The following SLC24A2 variants were observed in gnomAD, a reference collection of about 807,000 sequenced individuals.
SLC24A2 encodes the protein solute carrier family 24 member 2, also known as sodium/potassium/calcium exchanger 2.
A neutral mutation model predicts 62.0 loss-of-function variants in SLC24A2; 36 were observed. That is an observed-to-expected ratio of 0.58 (90% CI 0.44 to 0.77). The LOEUF (loss-of-function observed/expected upper bound fraction) is 0.77, where lower values mean the gene tolerates loss of function less well. Ranked by LOEUF, SLC24A2 falls within the 30% of genes least tolerant of loss-of-function variation. SLC24A2 has a pLI of 0.00. For missense variants in SLC24A2, 846 were observed against 817.9 expected (o/e 1.03, Z -0.42); for synonymous variants, 358 against 294.0 (o/e 1.22, Z -2.23).
At chr9:19,775,093 A>C (rs1387839026) in intron 2 of SLC24A2, among the ~76,000 whole-genome samples, 2 of 152,154 alleles carry the variant, frequency 1.3e-5, no homozygotes, top group African/African-American at 2.4e-5. Flanking sequence ...GCTGATGCAA[A>C]ATTGTGACTG....
the SLC24A2 span, among the ~76,000 whole-genome samples, chr9:20,302,599 T>A: frequency 6.6e-6 from 1 of 152,050 alleles, no homozygotes; most frequent in South Asian, 2.1e-4. Context: ...TGGTGTTGAG[T>A]TTTTTTTATA....
chr9:19,943,587 A>T, the SLC24A2 span, among the ~76,000 whole-genome samples: 1 of 151,878 alleles, frequency 6.6e-6, no homozygotes, highest in Non-Finnish European at 1.5e-5. Context: ...ATACTAAAAG[A>T]AAACTCAAGA....
At chr9:20,015,418 G>C in the SLC24A2 span, among the ~76,000 whole-genome samples, 1 of 152,150 alleles carries the variant, frequency 6.6e-6, no homozygotes, top group Non-Finnish European at 1.5e-5. Context: ...AGAGTTAGAA[G>C]AGCTGTGAGC....
the SLC24A2 span, among the ~76,000 whole-genome samples, chr9:19,852,864 A>T: frequency 6.6e-6 from 1 of 152,096 alleles, no homozygotes; most frequent in Admixed American, 6.6e-5. Flanking sequence ...AAGAATGTCA[A>T]TGGTACTTTA....
At chr9:20,027,117 C>T in the SLC24A2 span, among the ~76,000 whole-genome samples, 5 of 151,898 alleles carry the variant, frequency 3.3e-5, no homozygotes, top group African/African-American at 1.2e-4. Flanking sequence ...CCGCAATGAG[C>T]TATTATCTCA....
At chr9:19,891,689 T>A in the SLC24A2 span, among the ~76,000 whole-genome samples, 1 of 152,166 alleles carries the variant, frequency 6.6e-6, no homozygotes, top group Admixed American at 6.5e-5. Flanking sequence ...AAGGCTGCAG[T>A]GAGCTATGAT....
intron 2 of SLC24A2, among the ~76,000 whole-genome samples, chr9:19,633,644 C>T (rs983884510): frequency 2.6e-5 from 4 of 152,196 alleles, no homozygotes; most frequent in African/African-American, 7.2e-5. Flanking sequence ...GCTGGGGTTA[C>T]AGGCGATCAA....
At chr9:19,728,810 G>C (rs896495483) in intron 2 of SLC24A2, among the ~76,000 whole-genome samples, 9 of 152,072 alleles carry the variant, frequency 5.9e-5, no homozygotes, top group African/African-American at 2.2e-4. Flanking sequence ...TGATGAGAGA[G>C]GGCATATTCA....
At chr9:19,933,731 A>C in the SLC24A2 span, among the ~76,000 whole-genome samples, 2 of 152,262 alleles carry the variant, frequency 1.3e-5, no homozygotes, top group East Asian at 3.8e-4. Flanking sequence ...ATGTTCATCA[A>C]CTGATGAATG....
the SLC24A2 span, among the ~76,000 whole-genome samples, chr9:19,857,199 C>G: frequency 6.6e-6 from 1 of 152,140 alleles, no homozygotes; most frequent in South Asian, 2.1e-4. Flanking sequence ...TACTTATATT[C>G]CTTGGTTTGT....
chr9:19,994,130 GGCT>G, the SLC24A2 span, among the ~76,000 whole-genome samples: 2 of 152,152 alleles, frequency 1.3e-5, no homozygotes, highest in Admixed American at 1.3e-4. Context: ...CATTGCAACA[GGCT>G]GCTGCACCTG....
chr9:19,998,214 C>A, the SLC24A2 span, among the ~76,000 whole-genome samples: 1 of 152,092 alleles, frequency 6.6e-6, no homozygotes, highest in Admixed American at 6.5e-5. Flanking sequence ...CATGGCAGGG[C>A]TAGGATTCAA....
the SLC24A2 span, among the ~76,000 whole-genome samples, chr9:19,925,246 C>T: frequency 1.3e-5 from 2 of 152,088 alleles, no homozygotes; most frequent in African/African-American, 4.8e-5. Flanking sequence ...TTATAGTGAC[C>T]CAGAAAAGAA....
chr9:19,941,048 A>T, the SLC24A2 span, among the ~76,000 whole-genome samples: 7 of 152,180 alleles, frequency 4.6e-5, no homozygotes, highest in Non-Finnish European at 1.0e-4. Context: ...GCTGCCATAA[A>T]TCTTCAAAGG....
At chr9:20,208,041 A>G in the SLC24A2 span, among the ~76,000 whole-genome samples, 1 of 152,208 alleles carries the variant, frequency 6.6e-6, no homozygotes, top group Non-Finnish European at 1.5e-5. Flanking sequence ...GGAGACAGGC[A>G]TTAAACAAAT....
chr9:20,140,210 C>T, the SLC24A2 span, among the ~76,000 whole-genome samples: 2 of 152,226 alleles, frequency 1.3e-5, no homozygotes, highest in African/African-American at 4.8e-5. Flanking sequence ...GCTACATTTC[C>T]AGCTACTGAA....
chr9:19,674,987 T>G lies in SLC24A2; in HGVS notation c.931-52688A>C, dbSNP rs147590928. On this transcript the variant is annotated intron_variant, in intron 2 of 10. Coordinates refer to ENST00000341998, the MANE Select transcript of SLC24A2 (RefSeq NM_020344.4). ...TGGTTCCTTCTATTTGAGTACACTA[T>G]GTCAGAGGGAAGATCTGGGGCTCAA... Among the ~76,000 whole-genome samples the G allele has an allele frequency of 1.9e-3, 285 of 152,312 alleles. 1 individual carries two copies. The highest frequency in any genetic ancestry group is 6.5e-3 in the African/African-American group (272 of 41,584).
the SLC24A2 span, among the ~76,000 whole-genome samples, chr9:20,259,123 A>G: frequency 2.0e-5 from 3 of 152,288 alleles, no homozygotes; most frequent in East Asian, 5.8e-4. Flanking sequence ...AAGCCAAGGA[A>G]TGTGAATTGT....
the SLC24A2 span, among the ~76,000 whole-genome samples, chr9:20,108,794 C>A: frequency 0.11 from 16,874 of 151,962 alleles, 995 homozygotes; most frequent in Middle Eastern, 0.17. Flanking sequence ...CACAAGTATA[C>A]ATATGTAACT....
Sources: allele counts gnomAD v4.1 joint callset (sites outside exome capture counted in the v4.1 genomes callset), GRCh38; gene constraint gnomAD v4.1.1; transcripts MANE v1.5; gene names NCBI Gene and HGNC (gene_info 2026-07-23, HGNC 2026-07-21).